The following ELK3 variants were observed in gnomAD, a reference collection of about 807,000 sequenced individuals.
ELK3 encodes the protein ETS domain-containing protein Elk-3.
In ELK3, 10 loss-of-function variants were observed where a neutral mutation model predicts 28.9. The ratio of observed to expected loss-of-function variants is 0.35; its 90% CI spans 0.21 to 0.59. ELK3 has a LOEUF of 0.59. ELK3 is among the 20% of genes least tolerant of loss of function. The pLI, the probability that ELK3 is intolerant of heterozygous loss-of-function variation, is 0.82. For synonymous variants in ELK3, 272 were observed against 243.5 expected, an observed-to-expected ratio of 1.12 and a Z score of -1.09; for missense variants, 463 against 517.3, an observed-to-expected ratio of 0.90 and a Z score of 1.02.
At chr12:96,240,739 G>A (rs754510120) in intron 2 of ELK3, among the ~76,000 whole-genome samples, 1 of 152,208 alleles carries the variant, frequency 6.6e-6, no homozygotes, top group Non-Finnish European at 1.5e-5. Context: ...CAGAGGGCAG[G>A]AGCGCTGTGT....
At chr12:96,228,415 TCAAA>T (rs1171649192) in intron 2 of ELK3, among the ~76,000 whole-genome samples, 3 of 32,942 alleles carry the variant, frequency 9.1e-5, no homozygotes, top group Admixed American at 9.3e-4. Flanking sequence ...AGACTCTGTG[TCAAA>T]AAAAAAAAAA....
intron 4 of ELK3, 27 bp from the exon 5 acceptor site, chr12:96,267,055 A>ATT: frequency 6.3e-7 from 1 of 1,590,710 alleles, no homozygotes; most frequent in Non-Finnish European, 8.6e-7. Context: ...TGCAATAATT[A>ATT]TTGTAAAAAT....
intron 1 of ELK3, among the ~76,000 whole-genome samples, chr12:96,207,059 A>T (rs781024834): frequency 2.0e-5 from 3 of 152,352 alleles, no homozygotes; most frequent in Non-Finnish European, 4.4e-5. Flanking sequence ...TTTTGGAAAT[A>T]ACAGTACCCA....
In ELK3 at chr12:96,216,355, C is replaced by G. The variant is rs148705467; in HGVS notation, c.-2-7210C>G. ...GAGGCCTCAGGGTCAGCATTTAAAC[C>G]AGTGTTTGTTAAGCTGGAGTCGGAG... On this transcript the variant is annotated intron_variant, in intron 1 of 4. Transcript: ENST00000228741. Among the ~76,000 whole-genome samples the G allele has an allele frequency of 3.3e-5, 5 of 152,306 alleles. No individual in the cohort carries two copies. In the East Asian group the frequency reaches 9.6e-4, roughly 29 times the overall value.
intron 3 of ELK3, among the ~76,000 whole-genome samples, chr12:96,256,070 G>A (rs1225359699): frequency 6.6e-6 from 1 of 152,208 alleles, no homozygotes; most frequent in African/African-American, 2.4e-5. Flanking sequence ...AGTGAACTCA[G>A]TGTTTGAGGG....
intron 1 of ELK3, among the ~76,000 whole-genome samples, chr12:96,204,249 G>A (rs904374436): frequency 3.3e-5 from 5 of 152,042 alleles, no homozygotes; most frequent in Admixed American, 6.6e-5. Context: ...TCAGGTTTTC[G>A]TAGTTCCCTT....
Position 96,259,843 on chromosome 12 carries a change from C to T in ELK3, c.1115C>T (p.Thr372Met), listed in dbSNP as rs761757341. ...LSPARLQGPS[T>M]LFQFPTLLNG... is the part of the protein sequence containing the mutation. ...CCTGCCAGGCTGCAAGGGCCAAGCA[C>T]GCTGTTCCAGGTGAGCGTTTGGAAA... The change falls in exon 4 of 5, where the codon ACG (threonine) becomes ATG (methionine). Residue 372 changes from threonine (T) to methionine (M), a missense_variant. Physicochemically the swap from Thr to Met is moderately conservative, Grantham distance 81. This residue lies in a region of ELK3 where 408 missense variants were observed against 414.8 expected (regional missense o/e 0.98). Coordinates refer to ENST00000228741, the MANE Select transcript of ELK3 (RefSeq NM_005230.4). The T allele has an allele frequency of 1.8e-5, 29 of 1,601,108 alleles. No individual in the cohort carries two copies. Among genetic ancestry groups the T allele is most frequent in the Middle Eastern group, 1.7e-4 (1 of 6,050 alleles).
At chr12:96,195,424 C>T (rs577812422) in intron 1 of ELK3, among the ~76,000 whole-genome samples, 335 of 152,280 alleles carry the variant, frequency 2.2e-3, no homozygotes, top group Non-Finnish European at 3.8e-3. Flanking sequence ...GATCTTGGGG[C>T]CCCTTCCACT....
intron 1 of ELK3, among the ~76,000 whole-genome samples, chr12:96,218,837 A>G (rs1331527111): frequency 1.3e-5 from 2 of 151,898 alleles, no homozygotes; most frequent in African/African-American, 4.8e-5. Flanking sequence ...TTTAGTAGAG[A>G]CAGGGTTTCA....
At chr12:96,261,245 G>A (rs927656071) in intron 4 of ELK3, among the ~76,000 whole-genome samples, 4 of 152,004 alleles carry the variant, frequency 2.6e-5, no homozygotes, top group African/African-American at 9.7e-5. Flanking sequence ...GTTAGGGTAG[G>A]GTGTCATGAA....
Position 96,229,554 on chromosome 12 carries a change from CAG to C in ELK3, c.207+5784_207+5785del, listed in dbSNP as rs1285763112. Among the ~76,000 whole-genome samples, 6 of 102,616 alleles carry C rather than the reference CAG, an allele frequency of 5.8e-5. No individual in the cohort carries two copies. In the Admixed American group the frequency reaches 7.3e-4, roughly 12 times the overall value. The allele number at this position is 102,616 out of a possible 152,430, so 67.3% of individuals were successfully genotyped here. ...TTTTTTTTTTTTTTTTTTTTTGAGACAGAGTCTTGCTCTGTCGCCCAGGCTGG... is the reference window on the plus strand; with the variant it reads ...TTTTTTTTTTTTTTTTTTTTTGAGACAGTCTTGCTCTGTCGCCCAGGCTGG... On this transcript the variant is annotated intron_variant, in intron 2 of 4. Transcript: ENST00000228741.
chr12:96,204,095 A>G (rs1951524477), intron 1 of ELK3, among the ~76,000 whole-genome samples: 1 of 152,192 alleles, frequency 6.6e-6, no homozygotes, highest in African/African-American at 2.4e-5. Flanking sequence ...TATCAGTGTT[A>G]CTATACTGAG....
intron 4 of ELK3, among the ~76,000 whole-genome samples, chr12:96,260,540 T>C (rs554697697): frequency 4.2e-4 from 63 of 149,966 alleles, no homozygotes; most frequent in Middle Eastern, 3.4e-3. Context: ...CTTTATCTTA[T>C]AGAACTCTCC....
At chr12:96,229,153 C>G (rs1014350769) in intron 2 of ELK3, among the ~76,000 whole-genome samples, 3 of 152,320 alleles carry the variant, frequency 2.0e-5, no homozygotes, top group African/African-American at 7.2e-5. Flanking sequence ...GATGTGTCCA[C>G]TACTCAAGTG....
chr12:96,267,936 A>G lies in ELK3; in HGVS notation c.*756A>G, dbSNP rs1455083188. 3.3e-5 allele frequency: 5 copies of G among 152,334 alleles called. No individual in the cohort carries two copies. Among genetic ancestry groups the G allele is most frequent in the Non-Finnish European group, 5.9e-5 (4 of 68,026 alleles). 9.4% of individuals were successfully genotyped at this position (152,334 alleles called of 1,614,324 possible). A position where few individuals can be genotyped will look rare whatever the true frequency, so the allele number is the denominator to read the frequency against. On this transcript the variant is annotated 3_prime_UTR_variant, in exon 5 of 5. Coordinates refer to ENST00000228741, the MANE Select transcript of ELK3 (RefSeq NM_005230.4). ...ATCTTTTAGATGCCTCCCAGACAAA[A>G]ATCTGAGATGGAAAAGCTACATCAA...
chr12:96,219,768 A>G (rs1951649253), intron 1 of ELK3, among the ~76,000 whole-genome samples: 1 of 152,178 alleles, frequency 6.6e-6, no homozygotes, highest in Non-Finnish European at 1.5e-5. Flanking sequence ...ATGCAATGAT[A>G]AGCTCACAGG....
chr12:96,254,493 G>A (rs954828056), intron 3 of ELK3, among the ~76,000 whole-genome samples: 2 of 151,760 alleles, frequency 1.3e-5, no homozygotes, highest in African/African-American at 4.8e-5. Context: ...CATTACAAGT[G>A]CACACACACA....
chr12:96,223,199 G>C (rs550813061), intron 1 of ELK3, among the ~76,000 whole-genome samples: 7 of 152,266 alleles, frequency 4.6e-5, no homozygotes, highest in African/African-American at 1.7e-4. Context: ...TGGGATGGGC[G>C]GGAATAGACA....
intron 1 of ELK3, among the ~76,000 whole-genome samples, chr12:96,220,620 G>T (rs1202828784): frequency 1.3e-5 from 2 of 151,944 alleles, no homozygotes; most frequent in Non-Finnish European, 2.9e-5. Flanking sequence ...AACTCCTCCT[G>T]ACCTCAGGTA....
Sources: gnomAD v4.1 joint callset for allele counts (sites outside exome capture counted in the v4.1 genomes callset) on GRCh38, gnomAD v4.1.1 for gene constraint, gnomAD v4.1.1 regional missense constraint, MANE v1.5 for transcripts, NCBI Gene and HGNC (gene_info 2026-07-23, HGNC 2026-07-21) for gene names.